Variants in SERINC3 observed in about 807,000 individuals in gnomAD.
The protein encoded by SERINC3 is serine incorporator 3, also known as tumor differentially expressed protein 1.
A neutral mutation model predicts 52.1 loss-of-function variants in SERINC3; 22 were observed. The ratio of observed to expected loss-of-function variants is 0.42; its 90% CI spans 0.30 to 0.60. The LOEUF is 0.60. Ranked by LOEUF, SERINC3 falls within the 20% of genes least tolerant of loss-of-function variation. SERINC3 has a pLI of 0.16. For missense variants in SERINC3, 564 were observed against 584.6 expected (o/e 0.96, Z 0.36); for synonymous variants, 226 against 212.7 (o/e 1.06, Z -0.54).
chr20:44,515,066 A>G (rs1239710708), intron 1 of SERINC3, among the ~76,000 whole-genome samples: 3 of 152,162 alleles, frequency 2.0e-5, no homozygotes, highest in African/African-American at 7.2e-5. Flanking sequence ...AAAATATGGT[A>G]TATCTGGCTG....
Position 44,501,316 on chromosome 20 carries a change from A to G in SERINC3, c.1056-16T>C, listed in dbSNP as rs2064278651. The G allele has an allele frequency of 3.1e-6, 5 of 1,605,310 alleles. No individual in the cohort carries two copies. Among genetic ancestry groups the G allele is most frequent in the Non-Finnish European group, 3.4e-6 (4 of 1,172,500 alleles). ...AGTGCGGATGCTGGAAAGTGATCCCAAGGAAGACAAATCAGAAAGGGGCCA... is the reference window on the plus strand; with the variant it reads ...AGTGCGGATGCTGGAAAGTGATCCCGAGGAAGACAAATCAGAAAGGGGCCA... On this transcript the variant is annotated splice_polypyrimidine_tract_variant and intron_variant, in intron 8 of 9. Transcript: ENST00000342374.
chr20:44,513,933 G>A lies in SERINC3; in HGVS notation c.147C>T (p.Ser49=), dbSNP rs1004723981. The part of the protein sequence containing the change: ...RLIYAFILLL[S]TVVSYIMQRK... Reference sequence around the variant, plus strand: ...TCTGCATGATATAGGATACGACAGTGCTCAGGAGGAGAATGAAAGCATAAA... The same window carrying A: ...TCTGCATGATATAGGATACGACAGTACTCAGGAGGAGAATGAAAGCATAAA... Residue 49 remains serine, a synonymous_variant, in exon 2 of 10, where the codon AGC becomes AGT. Coordinates refer to ENST00000342374, the MANE Select transcript of SERINC3 (RefSeq NM_006811.4). 1 of 1,614,172 alleles carries A rather than the reference G, an allele frequency of 6.2e-7. No individual in the cohort carries two copies. The highest frequency in any genetic ancestry group is 8.5e-7 in the Non-Finnish European group (1 of 1,180,020).
At chr20:44,506,690 G>C in intron 6 of SERINC3, 137 bp downstream of exon 6, 1 of 350,944 alleles carries the variant, frequency 2.8e-6, no homozygotes, top group Non-Finnish European at 4.7e-6. Context: ...GCATGAAATA[G>C]AATTATGAAG....
At chr20:44,513,787 C>T in intron 2 of SERINC3, 92 bp downstream of exon 2, 8 of 1,158,710 alleles carry the variant, frequency 6.9e-6, no homozygotes, top group Non-Finnish European at 8.2e-6. Context: ...AAATTACAAC[C>T]AACTTGATTA....
chr20:44,514,012 C>T lies in SERINC3; in HGVS notation c.68G>A (p.Cys23Tyr). 3 of 1,614,044 alleles carry T rather than the reference C, an allele frequency of 1.9e-6. No individual in the cohort carries two copies. The stretch of plus-strand genomic sequence containing the variant: ...GTTAGGACAGCAACTACACAGCAAA[C>T]ATGAGGCACCGCTGCAGAGGCATGG... ...WVPCLCSGAS[C>Y]LLCSCCPNSK... Residue 23 changes from cysteine (C) to tyrosine (Y), a missense_variant, in exon 2 of 10, where the codon TGT (cysteine) becomes TAT (tyrosine). Transcript: ENST00000342374.
At chr20:44,503,709 G>A (rs1568784688) in intron 8 of SERINC3, 106 bp downstream of exon 8, 2 of 846,140 alleles carry the variant, frequency 2.4e-6, no homozygotes, top group Non-Finnish European at 3.6e-6. Context: ...TCATTAAAGA[G>A]AGTGAAGTTT....
intron 7 of SERINC3, 30 bp downstream of exon 7, chr20:44,504,771 C>A: frequency 4.6e-6 from 7 of 1,524,398 alleles, no homozygotes; most frequent in South Asian, 1.2e-5. Flanking sequence ...TTCTTTTTAT[C>A]AAATGAATGT....
Position 44,501,158 on chromosome 20 carries a change from CCT to C in SERINC3, c.1196_1197del (p.Glu399GlyfsTer5), listed in dbSNP as rs764002866. ...QPRRAVDNEK[E>X]GVQYSYSLFH... ...AATAAGGAGTAGCTATACTGCACTC[CCT>C]CTTTCTCGTTGTCCACAGCCCGCCG... On this transcript the variant is annotated frameshift_variant, in exon 9 of 10. Transcript: ENST00000342374. LOFTEE classifies it high-confidence loss of function. 1 of 1,614,130 alleles carries C rather than the reference CCT, an allele frequency of 6.2e-7. No individual in the cohort carries two copies. Among genetic ancestry groups the C allele is most frequent in the South Asian group, 1.1e-5 (1 of 91,076 alleles).
intron 5 of SERINC3, among the ~76,000 whole-genome samples, chr20:44,508,728 T>G (rs940949145): frequency 2.0e-5 from 3 of 152,182 alleles, no homozygotes; most frequent in Non-Finnish European, 4.4e-5. Flanking sequence ...ATATTCATCA[T>G]GTAGGAAGTG....
Position 44,521,945 on chromosome 20 carries a change from C to T in SERINC3, c.7G>A (p.Ala3Thr), listed in dbSNP as rs776601744. MG[A>T]VLGVFSLASW... Reference sequence around the variant, plus strand: ...GCGAGGGAGAAGACACCCAGCACAGCCCCCATGGTGACGCCAGTGATGGAG... The same window carrying T: ...GCGAGGGAGAAGACACCCAGCACAGTCCCCATGGTGACGCCAGTGATGGAG... The change falls in exon 1 of 10, where the codon GCT (alanine) becomes ACT (threonine). Residue 3 changes from alanine (A) to threonine (T), a missense_variant. By Grantham distance (58) the Ala-to-Thr change is moderately conservative. Transcript: ENST00000342374. 1 of 1,611,370 alleles carries T rather than the reference C, an allele frequency of 6.2e-7. No homozygotes were observed. The highest frequency in any genetic ancestry group is 8.5e-7 in the Non-Finnish European group (1 of 1,178,756).
At position 44,498,801 on chromosome 20, in the gene SERINC3, T is replaced by A. The variant is rs914378289; in HGVS notation, c.*1495A>T. The A allele has an allele frequency of 6.6e-6, 1 of 152,140 alleles. No homozygotes were observed. The highest frequency in any genetic ancestry group is 6.5e-5 in the Admixed American group (1 of 15,280). 9.4% of individuals were successfully genotyped at this position (152,140 alleles called of 1,614,324 possible). A position where few individuals can be genotyped will look rare whatever the true frequency, so the allele number is the denominator to read the frequency against. On this transcript the variant is annotated 3_prime_UTR_variant, in exon 10 of 10. Transcript: ENST00000342374. ...GTTTTCAGCCACCCTCAACATAAGG[T>A]CCAAACTCTTTACTGAGGTTGATAA...
At position 44,497,447 on chromosome 20, in the gene SERINC3, G is replaced by GA. The variant is rs977051973; in HGVS notation, c.*2848dup. The GA allele has an allele frequency of 6.6e-6, 1 of 152,020 alleles. No individual in the cohort carries two copies. The highest frequency in any genetic ancestry group is 1.5e-5 in the Non-Finnish European group (1 of 67,976). The allele number at this position is 152,020 out of a possible 1,614,324, so 9.4% of individuals were successfully genotyped here. A position where few individuals can be genotyped will look rare whatever the true frequency, so the allele number is the denominator to read the frequency against. On this transcript the variant is annotated 3_prime_UTR_variant, in exon 10 of 10. Coordinates refer to ENST00000342374, the MANE Select transcript of SERINC3 (RefSeq NM_006811.4). ...AAATTAATATCAGTTATCATCATGA[G>GA]AAAAAAATAAAAACTTTATTGGACT...
intron 4 of SERINC3, 55 bp downstream of exon 4, chr20:44,511,234 A>G (rs57279876): frequency 7.8e-7 from 1 of 1,276,882 alleles, no homozygotes; most frequent in East Asian, 2.3e-5. Flanking sequence ...CTTTAACTCA[A>G]TCATCTATAG....
At chr20:44,518,075 C>G (rs1293503266) in intron 1 of SERINC3, among the ~76,000 whole-genome samples, 1 of 152,088 alleles carries the variant, frequency 6.6e-6, no homozygotes, top group Non-Finnish European at 1.5e-5. Context: ...TCACAGTATC[C>G]TTAGCTATCA....
Position 44,522,016 on chromosome 20 carries a change from C to T in SERINC3, c.-65G>A. ...TTTCTAACACGGTGGTAACTGCCAG[C>T]TGAGGTGACTCCCCAGAAACATGAC... On this transcript the variant is annotated 5_prime_UTR_variant, in exon 1 of 10. Transcript: ENST00000342374. The T allele has an allele frequency of 1.3e-6, 2 of 1,483,138 alleles. No individual in the cohort carries two copies. Among genetic ancestry groups the T allele is most frequent in the Admixed American group, 2.0e-5 (1 of 50,802 alleles). The allele number at this position is 1,483,138 out of a possible 1,614,324, so 91.9% of individuals were successfully genotyped here.
chr20:44,497,254 T>C (rs1401055834), downstream of SERINC3, among the ~76,000 whole-genome samples: 2 of 152,236 alleles, frequency 1.3e-5, no homozygotes, highest in Non-Finnish European at 2.9e-5. Context: ...TTCAGAATGC[T>C]GTCTTACTCA....
At chr20:44,519,374 G>T in intron 1 of SERINC3, 1 of 971,324 alleles carries the variant, frequency 1.0e-6, no homozygotes, top group Non-Finnish European at 1.2e-6. Flanking sequence ...GACCATCCTG[G>T]CGTGAGCCAC....
intron 1 of SERINC3, among the ~76,000 whole-genome samples, chr20:44,518,640 C>G (rs540246999): frequency 1.3e-5 from 2 of 152,238 alleles, no homozygotes; most frequent in African/African-American, 4.8e-5. Context: ...CTCATAGAAG[C>G]CTTTCTCCCA....
At chr20:44,503,297 C>T (rs2064291109) in intron 8 of SERINC3, among the ~76,000 whole-genome samples, 1 of 152,180 alleles carries the variant, frequency 6.6e-6, no homozygotes, top group Non-Finnish European at 1.5e-5. Flanking sequence ...GGACCCATAA[C>T]TGCCAAAACA....
Sources: gnomAD v4.1 joint callset for allele counts (sites outside exome capture counted in the v4.1 genomes callset) on GRCh38, gnomAD v4.1.1 for gene constraint, MANE v1.5 for transcripts, NCBI Gene and HGNC (gene_info 2026-07-23, HGNC 2026-07-21) for gene names.